RAPGEF5: variants seen among roughly 807,000 people sequenced by gnomAD.
The protein encoded by RAPGEF5 is M-Ras-regulated GEF.
A neutral mutation model predicts 125.2 loss-of-function variants in RAPGEF5; 65 were observed. The observed-to-expected ratio is 0.52, with a 90% CI of 0.43 to 0.64. The LOEUF is 0.64. RAPGEF5 is among the 30% of genes least tolerant of loss of function. The pLI is 0.00. For missense variants in RAPGEF5, 958 were observed against 1,048.1 expected (o/e 0.91, Z 1.19); for synonymous variants, 391 against 385.9 (o/e 1.01, Z -0.16).
At chr7:22,274,697 C>T (rs1454625081) in intron 6 of RAPGEF5, among the ~76,000 whole-genome samples, 1 of 152,136 alleles carries the variant, frequency 6.6e-6, no homozygotes, top group African/African-American at 2.4e-5. Context: ...CCATCAGACA[C>T]CATAGTCCCA....
rs943914402 is a variant in RAPGEF5, at chr7:22,190,204, C to G, written c.1204+3163G>C. ...CTGAGGCAGGAGAATCGCTTGAACC[C>G]GAGAGTCAGAGGTTGCAGTGAGCCA... is the stretch of plus-strand genomic sequence containing the variant. On this transcript the variant is annotated intron_variant, in intron 11 of 25. Coordinates refer to ENST00000665637, the MANE Select transcript of RAPGEF5 (RefSeq NM_012294.5). 3.3e-5 allele frequency among the ~76,000 whole-genome samples: 5 copies of G among 152,088 alleles called. No homozygotes were observed. The East Asian group carries it at 7.7e-4, about 24-fold the overall frequency.
At chr7:22,130,675 C>T (rs1012685250) in intron 24 of RAPGEF5, among the ~76,000 whole-genome samples, 2 of 152,134 alleles carry the variant, frequency 1.3e-5, no homozygotes, top group Non-Finnish European at 1.5e-5. Context: ...GCCTATAAAG[C>T]AGTAAAACAT....
chr7:22,329,050 T>C (rs1258175966), intron 1 of RAPGEF5, among the ~76,000 whole-genome samples: 1 of 152,252 alleles, frequency 6.6e-6, no homozygotes, highest in Non-Finnish European at 1.5e-5. Context: ...AAGTTATTTG[T>C]GTTTACTTTT....
chr7:22,157,038 C>A, intron 15 of RAPGEF5, 150 bp from the exon 16 acceptor site: 1 of 1,356,010 alleles, frequency 7.4e-7, no homozygotes, highest in Non-Finnish European at 9.8e-7. Context: ...AACTGGGAGT[C>A]GCCTCAACTA....
intron 9 of RAPGEF5, 111 bp downstream of exon 9, chr7:22,219,755 C>A: frequency 7.1e-7 from 1 of 1,398,760 alleles, no homozygotes; most frequent in Non-Finnish European, 9.5e-7. Flanking sequence ...GGAAAAAAAC[C>A]CCCAAAACCT....
chr7:22,169,836 T>A (rs13223956), intron 11 of RAPGEF5, among the ~76,000 whole-genome samples: 1,849 of 133,158 alleles, frequency 0.014, 57 homozygotes, highest in African/African-American at 0.051. Context: ...CTCTAGCCTG[T>A]GCAACAGAGC....
chr7:22,160,695 A>C lies in RAPGEF5; in HGVS notation c.1429-80T>G, dbSNP rs41273954. On this transcript the variant is annotated intron_variant, in intron 13 of 25. Transcript: ENST00000665637. ...TTAAGACTCATACCATGGCTATCCT[A>C]ACACAGGAAATAAGGAGGGATTCAG... 9,443 of 1,398,560 alleles carry C rather than the reference A, an allele frequency of 6.8e-3. 51 individuals are homozygous for C. The highest frequency in any genetic ancestry group is 8.0e-3 in the Non-Finnish European group (8,680 of 1,080,324). 86.6% of individuals were successfully genotyped at this position (1,398,560 alleles called of 1,614,324 possible). A position where few individuals can be genotyped will look rare whatever the true frequency, so the allele number is the denominator to read the frequency against.
At chr7:22,239,493 T>G (rs1786270076) in intron 7 of RAPGEF5, among the ~76,000 whole-genome samples, 1 of 152,000 alleles carries the variant, frequency 6.6e-6, no homozygotes, top group East Asian at 1.9e-4. Flanking sequence ...TACTCCATGC[T>G]CAGCACACTT....
chr7:22,263,671 A>C (rs35273114), intron 7 of RAPGEF5, among the ~76,000 whole-genome samples: 1 of 152,142 alleles, frequency 6.6e-6, no homozygotes, highest in South Asian at 2.1e-4. Flanking sequence ...CAGAGGTTGC[A>C]GTGAGCCGAA....
chr7:22,170,498 T>C (rs1784316530), intron 11 of RAPGEF5, among the ~76,000 whole-genome samples: 3 of 152,218 alleles, frequency 2.0e-5, no homozygotes, highest in Admixed American at 2.0e-4. Context: ...TCAGACTCTT[T>C]GGGGTGTTCT....
chr7:22,253,618 G>T (rs1786677397), intron 7 of RAPGEF5, among the ~76,000 whole-genome samples: 1 of 152,152 alleles, frequency 6.6e-6, no homozygotes, highest in African/African-American at 2.4e-5. Context: ...CAATTAGATG[G>T]AAAGAAGATC....
chr7:22,183,504 G>A (rs1382425533), intron 11 of RAPGEF5, among the ~76,000 whole-genome samples: 1 of 152,024 alleles, frequency 6.6e-6, no homozygotes, highest in African/African-American at 2.4e-5. Flanking sequence ...CTAAAAAGAT[G>A]AGTATCAAGT....
chr7:22,297,716 G>C (rs1254921908), intron 5 of RAPGEF5, among the ~76,000 whole-genome samples: 2 of 152,198 alleles, frequency 1.3e-5, no homozygotes, highest in Non-Finnish European at 2.9e-5. Context: ...TCATCTGCAA[G>C]GAGAGATGGC....
chr7:22,278,746 C>T (rs547943652), intron 6 of RAPGEF5, among the ~76,000 whole-genome samples: 11 of 149,378 alleles, frequency 7.4e-5, no homozygotes, highest in Non-Finnish European at 1.3e-4. Flanking sequence ...ATACTAGATG[C>T]CTTAATCCTC....
intron 7 of RAPGEF5, among the ~76,000 whole-genome samples, chr7:22,249,732 A>C (rs1440338198): frequency 2.0e-5 from 3 of 152,214 alleles, no homozygotes; most frequent in Non-Finnish European, 2.9e-5. Flanking sequence ...CTGGTTTCTT[A>C]GACCACCAAA....
At chr7:22,268,106 T>G (rs1180392047) in intron 6 of RAPGEF5, among the ~76,000 whole-genome samples, 4 of 152,232 alleles carry the variant, frequency 2.6e-5, no homozygotes, top group Admixed American at 6.5e-5. Flanking sequence ...CTGTCTTTAT[T>G]GCTGCACTTT....
intron 7 of RAPGEF5, among the ~76,000 whole-genome samples, chr7:22,250,878 CATTTTAT>C (rs1786602004): frequency 1.3e-5 from 2 of 152,082 alleles, no homozygotes; most frequent in South Asian, 4.1e-4. Flanking sequence ...CCTACCTCTG[CATTTTAT>C]AAAAGAATGG....
intron 9 of RAPGEF5, among the ~76,000 whole-genome samples, chr7:22,203,789 C>G (rs1204925142): frequency 6.6e-6 from 1 of 152,172 alleles, no homozygotes; most frequent in Non-Finnish European, 1.5e-5. Flanking sequence ...TTCCCTGAAA[C>G]CAAGCAGCCT....
Position 22,322,317 on chromosome 7 carries a change from C to CT in RAPGEF5, c.232-4281dup, listed in dbSNP as rs1167378740. On this transcript the variant is annotated intron_variant, in intron 1 of 25. Transcript: ENST00000665637. ...CCATGTCCAGCTGACTTTTGTATTT[C>CT]TTTTTTTTTTGGAGAGACAGGATTT... is the stretch of plus-strand genomic sequence containing the variant. Among the ~76,000 whole-genome samples the CT allele has an allele frequency of 5.5e-3, 809 of 146,608 alleles. 2 individuals carry two copies. Among genetic ancestry groups the CT allele is most frequent in the African/African-American group, 0.016 (643 of 40,126 alleles).
Sources: gnomAD v4.1 joint callset for allele counts (sites outside exome capture counted in the v4.1 genomes callset) on GRCh38, gnomAD v4.1.1 for gene constraint, MANE v1.5 for transcripts, NCBI Gene and HGNC (gene_info 2026-07-23, HGNC 2026-07-21) for gene names.